Variants in HTR1F observed in about 807,000 individuals in gnomAD.
The protein encoded by HTR1F is 5-hydroxytryptamine (serotonin) receptor 1F, G protein-coupled.
A neutral mutation model predicts 24.0 loss-of-function variants in HTR1F; 17 were observed. The observed-to-expected ratio is 0.71, with a 90% CI of 0.48 to 1.06. HTR1F has a LOEUF of 1.06. Ranked by LOEUF, HTR1F falls within the 50% of genes least tolerant of loss-of-function variation. The pLI is 0.00. For synonymous variants in HTR1F, 186 were observed against 156.8 expected (o/e 1.19, Z -1.39); for missense variants, 391 against 427.8 (o/e 0.91, Z 0.76).
At chr3:87,962,960 A>G (rs2915280) in intron 2 of HTR1F, among the ~76,000 whole-genome samples, 9 of 151,704 alleles carry the variant, frequency 5.9e-5, no homozygotes, top group South Asian at 2.1e-4. Flanking sequence ...AAAATTATGT[A>G]TTTTTTTTAC....
chr3:87,805,433 T>C (rs1377125876), intron 1 of HTR1F, among the ~76,000 whole-genome samples: 1 of 152,114 alleles, frequency 6.6e-6, no homozygotes, highest in Non-Finnish European at 1.5e-5. Context: ...TATAACTGAC[T>C]TCCTATGAGT....
Position 87,829,044 on chromosome 3 carries a change from C to CA in HTR1F, c.-43+6933dup, listed in dbSNP as rs536460252. On this transcript the variant is annotated intron_variant, in intron 2 of 2. Transcript: ENST00000319595. ...ATTTATTGTGGCAAAGTCAGCATAC[C>CA]AAAAAAAAAAAAAGTTAAAAAAAAA... 5.4e-3 allele frequency among the ~76,000 whole-genome samples: 701 copies of CA among 130,926 alleles called. 6 individuals are homozygous for CA. The highest frequency in any genetic ancestry group is 0.013 in the African/African-American group (511 of 38,298). The allele number at this position is 130,926 out of a possible 152,430, so 85.9% of individuals were successfully genotyped here.
In HTR1F at chr3:87,811,947, T is replaced by A. The variant is rs149497466; in HGVS notation, c.-159-10061T>A. Among the ~76,000 whole-genome samples the A allele has an allele frequency of 1.4e-3, 208 of 152,256 alleles. 4 individuals carry two copies. The East Asian group carries it at 0.029, about 21-fold the overall frequency. On this transcript the variant is annotated intron_variant, in intron 1 of 2. Transcript: ENST00000319595. ...TGATGAGATCTGATGGCTTTATAAG[T>A]ATTTGATAGTTCATCTTTCATATGC... is the stretch of plus-strand genomic sequence containing the variant.
intron 2 of HTR1F, among the ~76,000 whole-genome samples, chr3:87,904,937 T>A (rs1392878909): frequency 6.6e-6 from 1 of 152,104 alleles, no homozygotes; most frequent in Non-Finnish European, 1.5e-5. Context: ...TTATAATATC[T>A]TTCCTTTATA....
intron 2 of HTR1F, among the ~76,000 whole-genome samples, chr3:87,973,923 A>T (rs1705339394): frequency 6.6e-6 from 1 of 152,218 alleles, no homozygotes; most frequent in African/African-American, 2.4e-5. Context: ...AGGGAGCTTA[A>T]TCAATAGTCT....
intron 1 of HTR1F, among the ~76,000 whole-genome samples, chr3:87,804,760 G>T (rs960395770): frequency 1.3e-5 from 2 of 151,868 alleles, no homozygotes; most frequent in Non-Finnish European, 2.9e-5. Flanking sequence ...TTGATAATAT[G>T]TAATTTTAAA....
intron 1 of HTR1F, among the ~76,000 whole-genome samples, chr3:87,796,668 T>G (rs1319416876): frequency 6.6e-6 from 1 of 152,100 alleles, no homozygotes; most frequent in African/African-American, 2.4e-5. Context: ...AGAAAGTACT[T>G]TTTTTAAGAA....
intron 2 of HTR1F, among the ~76,000 whole-genome samples, chr3:87,933,735 C>T (rs979353777): frequency 6.6e-6 from 1 of 152,176 alleles, no homozygotes; most frequent in Non-Finnish European, 1.5e-5. Context: ...ACATTCCATG[C>T]TCATGGGTAG....
At chr3:87,930,466 C>G (rs1378821052) in intron 2 of HTR1F, among the ~76,000 whole-genome samples, 1 of 151,982 alleles carries the variant, frequency 6.6e-6, no homozygotes, top group Non-Finnish European at 1.5e-5. Context: ...CCTGCAATAC[C>G]CAGTCTATTG....
rs538562946 is a variant in HTR1F, at chr3:87,842,919, C to T, written c.-43+20795C>T. On this transcript the variant is annotated intron_variant, in intron 2 of 2. Transcript: ENST00000319595. ...GATAAAACAACAGACACACATTCAA[C>T]TACAGGTTTGAAAGGACACACTTTA... is the stretch of plus-strand genomic sequence containing the variant. 2.0e-5 allele frequency among the ~76,000 whole-genome samples: 3 copies of T among 151,916 alleles called. No homozygotes were observed. The South Asian group carries it at 6.2e-4, about 32-fold the overall frequency.
intron 2 of HTR1F, among the ~76,000 whole-genome samples, chr3:87,867,891 A>G (rs1044140044): frequency 1.3e-5 from 2 of 152,220 alleles, no homozygotes; most frequent in African/African-American, 4.8e-5. Flanking sequence ...CTTGTTGTCT[A>G]AATCATTAAT....
At chr3:87,944,705 T>A (rs1704653265) in intron 2 of HTR1F, among the ~76,000 whole-genome samples, 1 of 152,264 alleles carries the variant, frequency 6.6e-6, no homozygotes, top group Non-Finnish European at 1.5e-5. Context: ...TTTTTTTGAC[T>A]TAGAATAATT....
At chr3:87,907,756 A>T (rs1703698425) in intron 2 of HTR1F, among the ~76,000 whole-genome samples, 2 of 152,040 alleles carry the variant, frequency 1.3e-5, no homozygotes, top group South Asian at 4.1e-4. Flanking sequence ...CAAAATCATA[A>T]TACTAGAATT....
intron 2 of HTR1F, among the ~76,000 whole-genome samples, chr3:87,880,635 T>C (rs1479634945): frequency 1.5e-5 from 2 of 137,198 alleles, no homozygotes; most frequent in Non-Finnish European, 3.0e-5. Context: ...ACAAAATGTG[T>C]GTGTGTTTGT....
At chr3:87,940,972 G>A (rs1448841069) in intron 2 of HTR1F, among the ~76,000 whole-genome samples, 1 of 152,190 alleles carries the variant, frequency 6.6e-6, no homozygotes, top group Admixed American at 6.5e-5. Context: ...TAAACAATGA[G>A]GCCAACCCTT....
At chr3:87,889,547 A>G (rs1706032864) in intron 2 of HTR1F, among the ~76,000 whole-genome samples, 2 of 152,162 alleles carry the variant, frequency 1.3e-5, no homozygotes, top group South Asian at 2.1e-4. Flanking sequence ...TCTGACTAAG[A>G]AGATTTGGAG....
At chr3:87,989,861 A>C (rs571597421) in intron 2 of HTR1F, among the ~76,000 whole-genome samples, 2 of 152,206 alleles carry the variant, frequency 1.3e-5, no homozygotes, top group Non-Finnish European at 2.9e-5. Flanking sequence ...TACAGGGAGA[A>C]GGCCTGGAAA....
intron 2 of HTR1F, among the ~76,000 whole-genome samples, chr3:87,869,424 G>C (rs149411929): frequency 0.069 from 9,266 of 133,414 alleles, 410 homozygotes; most frequent in East Asian, 0.12. Flanking sequence ...TAGATAGATA[G>C]ATAGATAGAT....
chr3:87,802,430 A>G (rs1408132724), intron 1 of HTR1F, among the ~76,000 whole-genome samples: 1 of 151,258 alleles, frequency 6.6e-6, no homozygotes, highest in African/African-American at 2.4e-5. Flanking sequence ...AGCAGCCTTG[A>G]AATTTGGGGG....
Sources: allele counts gnomAD v4.1 joint callset (sites outside exome capture counted in the v4.1 genomes callset), GRCh38; gene constraint gnomAD v4.1.1; transcripts MANE v1.5; gene names NCBI Gene and HGNC (gene_info 2026-07-23, HGNC 2026-07-21).